Variants in CACNA2D4 observed in about 807,000 individuals in gnomAD.
The protein encoded by CACNA2D4 is calcium voltage-gated channel auxiliary subunit alpha2delta 4, also known as voltage-dependent calcium channel subunit alpha-2/delta-4.
A neutral mutation model predicts 163.8 loss-of-function variants in CACNA2D4; 157 were observed. The ratio of observed to expected loss-of-function variants is 0.96; its 90% CI spans 0.84 to 1.09. The LOEUF (loss-of-function observed/expected upper bound fraction) is 1.09. Ranked by LOEUF, CACNA2D4 falls within the 50% of genes least tolerant of loss-of-function variation. The pLI, the probability that CACNA2D4 is intolerant of heterozygous loss-of-function variation, is 0.00. For missense variants in CACNA2D4, 1,410 were observed against 1,479.9 expected, an observed-to-expected ratio of 0.95 and a Z score of 0.78; for synonymous variants, 598 against 586.9, an observed-to-expected ratio of 1.02 and a Z score of -0.27.
rs1865130838 is a variant in CACNA2D4 at position 1,845,734 on chromosome 12, C to T, written c.2342+860G>A. 2.0e-5 allele frequency among the ~76,000 whole-genome samples: 3 copies of T among 152,200 alleles called. No individual in the cohort carries two copies. The South Asian group carries it at 6.2e-4, about 32-fold the overall frequency. ...CCTTGAGCACCCGGGTGGGCCAGCC[C>T]CTGATTCCCCCAGAACCCAGCCTTG... On this transcript the variant is annotated intron_variant, in intron 24 of 37. Transcript: ENST00000382722.
rs201811189 is a variant in CACNA2D4, at chr12:1,846,679, G to A, written c.2257C>T (p.His753Tyr). ...CCCAGGAAGGCCATGTCCACCACGT[G>A]TTCAGACTCCCTGTGTGGCAGACAG... ...LALNMSEESE[H>Y]VVDMAFLGTR... Residue 753 changes from histidine to tyrosine, a missense_variant, in exon 24 of 38, where the codon CAC becomes TAC. Coordinates refer to ENST00000382722, the MANE Select transcript of CACNA2D4 (RefSeq NM_172364.5). 16 of 1,598,298 alleles carry A rather than the reference G, an allele frequency of 1.0e-5. No individual in the cohort carries two copies. The East Asian group carries it at 1.8e-4, about 18-fold the overall frequency.
At position 1,828,192 on chromosome 12, in the gene CACNA2D4, C is replaced by T. The variant is rs368354192; in HGVS notation, c.2551+12547G>A. ...AGCCCTGGGCAGAGGGGCAGGCTCG[C>T]CCTGCAGTGGAGGCAAGTCTCCTGT... On this transcript the variant is annotated intron_variant, in intron 26 of 37. Coordinates refer to ENST00000382722, the MANE Select transcript of CACNA2D4 (RefSeq NM_172364.5). This position sits in a 1 kb window ranked among gnomAD's most constrained non-coding sequence, Gnocchi z 4.2. 6.3e-5 allele frequency: 98 copies of T among 1,546,992 alleles called. No individual in the cohort carries two copies. Among genetic ancestry groups the T allele is most frequent in the East Asian group, 2.0e-4 (8 of 40,712 alleles).
In CACNA2D4 at chr12:1,795,545, C is replaced by T. The variant is rs1042972280; in HGVS notation, c.3226+123G>A. 7 of 881,174 alleles carry T rather than the reference C, an allele frequency of 7.9e-6. No individual in the cohort carries two copies. In the Admixed American group the frequency reaches 9.6e-5, roughly 12 times the overall value. The allele number at this position is 881,174 out of a possible 1,614,324, so 54.6% of individuals were successfully genotyped here. A position where few individuals can be genotyped will look rare whatever the true frequency, so the allele number is the denominator to read the frequency against. On this transcript the variant is annotated intron_variant, in intron 36 of 37. Coordinates refer to ENST00000382722, the MANE Select transcript of CACNA2D4 (RefSeq NM_172364.5). Reference sequence around the variant, plus strand: ...CAGGGAAGGGTTAGAGAACAAATAACGGAGCCCTGTGGAGGACACGGGCGG... The same window carrying T: ...CAGGGAAGGGTTAGAGAACAAATAATGGAGCCCTGTGGAGGACACGGGCGG...
rs1866066782 is a variant in CACNA2D4, at chr12:1,883,831, C to G, written c.1351+412G>C. ...GAGGTAGACCGACCCTGAGTCCATC[C>G]TGATCCCTCTTGGTCCCCTGGTGCC... On this transcript the variant is annotated intron_variant, in intron 12 of 37. Transcript: ENST00000382722. The surrounding 1 kb of genome is among the most constrained non-coding windows in gnomAD (Gnocchi z 4.5). Among the ~76,000 whole-genome samples the G allele has an allele frequency of 6.6e-6, 1 of 152,228 alleles. No homozygotes were observed. Among genetic ancestry groups the G allele is most frequent in the Non-Finnish European group, 1.5e-5 (1 of 68,052 alleles).
intron 26 of CACNA2D4, among the ~76,000 whole-genome samples, chr12:1,818,152 G>A (rs1305113751): frequency 1.3e-5 from 2 of 150,934 alleles, no homozygotes; most frequent in African/African-American, 4.9e-5. Context: ...TCTGGGAAGT[G>A]AGGAGCCCCT....
Position 1,799,183 on chromosome 12 carries a change from G to A in CACNA2D4, c.2995+492C>T, listed in dbSNP as rs969419051. On this transcript the variant is annotated intron_variant, in intron 34 of 37. Coordinates refer to ENST00000382722, the MANE Select transcript of CACNA2D4 (RefSeq NM_172364.5). This position sits in a 1 kb window ranked among gnomAD's most constrained non-coding sequence, Gnocchi z 4.7. ...GGCCAGGCTCATTGCCGCCCTGCAC[G>A]TGTGGCCACAGCCACCGGGCTTTGT... Among the ~76,000 whole-genome samples, 1 of 152,196 alleles carries A rather than the reference G, an allele frequency of 6.6e-6. No individual in the cohort carries two copies. The highest frequency in any genetic ancestry group is 2.1e-4 in the South Asian group (1 of 4,832).
At chr12:1,865,292 T>C (rs1335997993) in intron 18 of CACNA2D4, among the ~76,000 whole-genome samples, 2 of 152,186 alleles carry the variant, frequency 1.3e-5, no homozygotes, top group Admixed American at 6.5e-5. Flanking sequence ...GGCCTTGATA[T>C]CTGGTAGAGA....
At chr12:1,795,956 C>T (rs1863111400) in intron 35 of CACNA2D4, 176 bp from the exon 36 acceptor site, 1 of 609,120 alleles carries the variant, frequency 1.6e-6, no homozygotes, top group South Asian at 1.9e-5. Context: ...CTCAGTCCTA[C>T]TGGCTTTGCT....
intron 1 of CACNA2D4, 24 bp from the exon 2 acceptor site, chr12:1,914,959 C>T (rs368381291): frequency 1.4e-4 from 220 of 1,534,156 alleles, no homozygotes; most frequent in Non-Finnish European, 1.9e-4. Flanking sequence ...AAAGGACACG[C>T]GTATACACAC....
At chr12:1,912,996 G>T in intron 3 of CACNA2D4, 27 bp downstream of exon 3, 1 of 1,459,352 alleles carries the variant, frequency 6.9e-7, no homozygotes, top group Non-Finnish European at 9.6e-7. Flanking sequence ...GGGGAGAAAC[G>T]CCCTGCAGAT....
intron 6 of CACNA2D4, among the ~76,000 whole-genome samples, chr12:1,896,654 C>CAAAA (rs367710895): frequency 5.2e-4 from 64 of 124,000 alleles, no homozygotes; most frequent in Middle Eastern, 4.3e-3. Context: ...CACACACACA[C>CAAAA]AAAACAGATG....
At chr12:1,822,829 G>A (rs562252952) in intron 26 of CACNA2D4, among the ~76,000 whole-genome samples, 236 of 152,252 alleles carry the variant, frequency 1.6e-3, no homozygotes, top group Non-Finnish European at 2.7e-3. Flanking sequence ...CAGCCTAGAC[G>A]GCTGTGGCAG....
At chr12:1,902,106 A>T (rs1338890859) in intron 6 of CACNA2D4, among the ~76,000 whole-genome samples, 1 of 152,176 alleles carries the variant, frequency 6.6e-6, no homozygotes, top group Non-Finnish European at 1.5e-5. Flanking sequence ...AAAGAAGGAA[A>T]AAAACTGTAT....
At chr12:1,850,631 G>A (rs1399673544) in intron 23 of CACNA2D4, among the ~76,000 whole-genome samples, 4 of 151,884 alleles carry the variant, frequency 2.6e-5, no homozygotes, top group Non-Finnish European at 4.4e-5. Flanking sequence ...TTGGCCAGGC[G>A]CGGTGGCTCA....
intron 18 of CACNA2D4, among the ~76,000 whole-genome samples, chr12:1,865,644 C>T (rs1432147252): frequency 4.6e-5 from 7 of 152,190 alleles, no homozygotes; most frequent in Non-Finnish European, 1.0e-4. Context: ...GGCTGCACCA[C>T]GCACGAGGCC....
chr12:1,851,236 G>A (rs1865272570), intron 23 of CACNA2D4, among the ~76,000 whole-genome samples: 1 of 152,140 alleles, frequency 6.6e-6, no homozygotes, highest in Non-Finnish European at 1.5e-5. Context: ...TATTGCTTCT[G>A]AATTTTGAGT....
At chr12:1,816,215 T>C (rs1158786712) in intron 26 of CACNA2D4, among the ~76,000 whole-genome samples, 1 of 152,160 alleles carries the variant, frequency 6.6e-6, no homozygotes, top group Non-Finnish European at 1.5e-5. Flanking sequence ...CAACACCTTA[T>C]GATATTATGT....
intron 6 of CACNA2D4, among the ~76,000 whole-genome samples, chr12:1,900,675 C>G (rs978434048): frequency 2.0e-5 from 3 of 152,084 alleles, no homozygotes; most frequent in African/African-American, 2.4e-5. Flanking sequence ...TATATATGCA[C>G]CCCACACTGG....
Position 1,884,715 on chromosome 12 carries a change from T to C in CACNA2D4, c.1272+53A>G, listed in dbSNP as rs1316965749. The C allele has an allele frequency of 3.9e-5, 47 of 1,205,260 alleles. No homozygotes were observed. In the East Asian group the frequency reaches 8.2e-4, roughly 21 times the overall value. The allele number at this position is 1,205,260 out of a possible 1,614,324, so 74.7% of individuals were successfully genotyped here. A position where few individuals can be genotyped will look rare whatever the true frequency, so the allele number is the denominator to read the frequency against. On this transcript the variant is annotated intron_variant, in intron 11 of 37. Coordinates refer to ENST00000382722, the MANE Select transcript of CACNA2D4 (RefSeq NM_172364.5). ...TCTAGGGTCCCTGCTGGTGATCCCA[T>C]CCATGGCAGCAGGAGAAGCTTTTTT...
Sources: allele counts gnomAD v4.1 joint callset (sites outside exome capture counted in the v4.1 genomes callset), GRCh38; gene constraint gnomAD v4.1.1; non-coding constraint Gnocchi (gnomAD v3.1); transcripts MANE v1.5; gene names NCBI Gene and HGNC (gene_info 2026-07-23, HGNC 2026-07-21).